Variants in IQCJ observed in about 807,000 individuals in gnomAD.
IQCJ encodes IQ motif containing J.
A neutral mutation model predicts 11.0 loss-of-function variants in IQCJ; 9 were observed. That is an observed-to-expected ratio of 0.82 (90% confidence interval 0.49 to 1.43). The LOEUF (loss-of-function observed/expected upper bound fraction) is 1.43, where lower values mean the gene tolerates loss of function less well. Among genes scored for constraint, IQCJ ranks in the 40% most tolerant of loss-of-function variants. The pLI is 0.00. For synonymous variants in IQCJ, 55 were observed against 51.3 expected (o/e 1.07, Z -0.31); for missense variants, 146 against 133.2 (o/e 1.10, Z -0.47).
chr3:159,250,997 A>G (rs946349245), intron 2 of IQCJ, among the ~76,000 whole-genome samples: 3 of 152,230 alleles, frequency 2.0e-5, no homozygotes, highest in Admixed American at 1.3e-4. Flanking sequence ...GCCACACAAG[A>G]GACATTAAAT....
At chr3:159,109,984 A>G (rs921307549) in intron 1 of IQCJ, among the ~76,000 whole-genome samples, 2 of 152,128 alleles carry the variant, frequency 1.3e-5, no homozygotes, top group African/African-American at 4.8e-5. Context: ...ACTATATTTA[A>G]TAGTCACACA....
At chr3:159,095,191 T>C (rs76194221) in intron 1 of IQCJ, among the ~76,000 whole-genome samples, 12,955 of 151,850 alleles carry the variant, frequency 0.085, 1,012 homozygotes, top group East Asian at 0.35. Context: ...AAACCGACCA[T>C]TAAGCTATAT....
chr3:159,250,098 G>C (rs959316140), intron 2 of IQCJ, among the ~76,000 whole-genome samples: 8 of 152,324 alleles, frequency 5.3e-5, no homozygotes, highest in Middle Eastern at 3.4e-3. Flanking sequence ...TGGGTTTCTG[G>C]TAAGAGATGT....
At chr3:159,235,775 C>A (rs1261761475) in intron 1 of IQCJ, among the ~76,000 whole-genome samples, 2 of 152,180 alleles carry the variant, frequency 1.3e-5, no homozygotes, top group East Asian at 1.9e-4. Context: ...GCAGCAAAAG[C>A]TTTTATGTCC....
intron 1 of IQCJ, among the ~76,000 whole-genome samples, chr3:159,091,669 C>T (rs1248099694): frequency 7.3e-5 from 2 of 27,388 alleles, no homozygotes; most frequent in Non-Finnish European, 1.5e-4. Context: ...CACACACACA[C>T]GCATGCACAC....
At chr3:159,071,070 T>G (rs1715532624) in intron 1 of IQCJ, among the ~76,000 whole-genome samples, 1 of 152,058 alleles carries the variant, frequency 6.6e-6, no homozygotes, top group South Asian at 2.1e-4. Context: ...AAAGCTACTC[T>G]TACTTTTTAG....
chr3:159,109,535 A>AG (rs1718485609), intron 1 of IQCJ, among the ~76,000 whole-genome samples: 1 of 151,190 alleles, frequency 6.6e-6, no homozygotes, highest in African/African-American at 2.4e-5. Flanking sequence ...ACTAAAAAAA[A>AG]AAAAAAAAAA....
intron 1 of IQCJ, among the ~76,000 whole-genome samples, chr3:159,219,690 T>C (rs1028468853): frequency 2.0e-5 from 3 of 152,216 alleles, no homozygotes; most frequent in Admixed American, 2.0e-4. Context: ...AATTTTCTTC[T>C]GACTGTATTG....
chr3:159,082,561 G>C (rs1240836755), intron 1 of IQCJ, among the ~76,000 whole-genome samples: 1 of 152,106 alleles, frequency 6.6e-6, no homozygotes, highest in Non-Finnish European at 1.5e-5. Flanking sequence ...TTGTAGTGGG[G>C]AAAAATGGCA....
intron 1 of IQCJ, among the ~76,000 whole-genome samples, chr3:159,095,250 T>A (rs1476070702): frequency 6.6e-6 from 1 of 151,918 alleles, no homozygotes; most frequent in Non-Finnish European, 1.5e-5. Context: ...ATTTTTAAAT[T>A]TAAAATAGTA....
chr3:159,231,733 G>C (rs1032412947), intron 1 of IQCJ, among the ~76,000 whole-genome samples: 1 of 152,140 alleles, frequency 6.6e-6, no homozygotes, highest in African/African-American at 2.4e-5. Context: ...ACCTCTGGTA[G>C]AATTCGGCTG....
intron 1 of IQCJ, among the ~76,000 whole-genome samples, chr3:159,085,505 A>T (rs1716685503): frequency 2.6e-5 from 4 of 151,114 alleles, no homozygotes; most frequent in African/African-American, 4.9e-5. Context: ...TGACTTCCAC[A>T]ATGGTTGAAC....
chr3:159,192,853 A>G (rs1344843613), intron 1 of IQCJ, among the ~76,000 whole-genome samples: 1 of 152,210 alleles, frequency 6.6e-6, no homozygotes, highest in African/African-American at 2.4e-5. Flanking sequence ...CAGGTCCTCA[A>G]GAATTCTGGT....
chr3:159,223,011 C>G (rs527751741), intron 1 of IQCJ, among the ~76,000 whole-genome samples: 1 of 151,754 alleles, frequency 6.6e-6, no homozygotes, highest in African/African-American at 2.4e-5. Flanking sequence ...TTTCATTATG[C>G]CAGAAGAAAA....
intron 3 of IQCJ, among the ~76,000 whole-genome samples, chr3:159,253,606 CACAA>C (rs1171156806): frequency 2.2e-4 from 17 of 78,168 alleles, no homozygotes; most frequent in African/African-American, 8.7e-4. Flanking sequence ...CCCTCTCCCT[CACAA>C]ACACACACAC....
At chr3:159,089,758 T>C (rs1251380253) in intron 1 of IQCJ, among the ~76,000 whole-genome samples, 1 of 151,674 alleles carries the variant, frequency 6.6e-6, no homozygotes, top group Non-Finnish European at 1.5e-5. Flanking sequence ...AGAGCCTTGG[T>C]TTTCAGCTCC....
intron 1 of IQCJ, among the ~76,000 whole-genome samples, chr3:159,107,977 A>C (rs1718370821): frequency 7.2e-6 from 1 of 138,752 alleles, no homozygotes; most frequent in Non-Finnish European, 1.5e-5. Flanking sequence ...GTGCGAATTG[A>C]GATTGTGCAT....
At chr3:159,093,750 G>A (rs528438012) in intron 1 of IQCJ, among the ~76,000 whole-genome samples, 1 of 152,004 alleles carries the variant, frequency 6.6e-6, no homozygotes, top group South Asian at 2.1e-4. Context: ...GGCGAAAGGG[G>A]AAGCAAACAC....
At chr3:159,155,192 CT>C (rs1298704078) in intron 1 of IQCJ, among the ~76,000 whole-genome samples, 1 of 152,134 alleles carries the variant, frequency 6.6e-6, no homozygotes, top group Non-Finnish European at 1.5e-5. Flanking sequence ...GAGTTTTGCT[CT>C]GTCACCAAGG....
Sources: allele counts gnomAD v4.1 joint callset (sites outside exome capture counted in the v4.1 genomes callset), GRCh38; gene constraint gnomAD v4.1.1; transcripts MANE v1.5; gene names NCBI Gene and HGNC (gene_info 2026-07-23, HGNC 2026-07-21).